The following ARSB variants were observed in gnomAD, a reference collection of about 807,000 sequenced individuals.
ARSB encodes N-acetylgalactosamine-4-sulfatase.
Under a neutral mutation model 50.9 loss-of-function variants are expected in ARSB, and 41 were observed. The observed-to-expected ratio is 0.81, with a 90% CI of 0.63 to 1.04. The LOEUF (loss-of-function observed/expected upper bound fraction) is 1.04. Among genes scored for constraint, ARSB ranks in the 50% least tolerant of loss-of-function variants. ARSB has a pLI of 0.00. For synonymous variants in ARSB, 269 were observed against 284.8 expected, an observed-to-expected ratio of 0.94 and a Z score of 0.56; for missense variants, 672 against 693.3, an observed-to-expected ratio of 0.97 and a Z score of 0.35.
At chr5:78,912,871 A>C (rs77040414) in intron 4 of ARSB, among the ~76,000 whole-genome samples, 21,113 of 152,272 alleles carry the variant, frequency 0.14, 1,605 homozygotes, top group Middle Eastern at 0.19. Context: ...ATTATTTTTA[A>C]AGCAGCTTTG....
chr5:78,922,330 C>T (rs908413513), intron 4 of ARSB, among the ~76,000 whole-genome samples: 3 of 151,972 alleles, frequency 2.0e-5, no homozygotes, highest in Non-Finnish European at 2.9e-5. Context: ...CTAAAGAGGC[C>T]TCTGTCTAAC....
At chr5:78,894,703 A>C (rs1187426165) in intron 4 of ARSB, among the ~76,000 whole-genome samples, 1 of 152,258 alleles carries the variant, frequency 6.6e-6, no homozygotes, top group Non-Finnish European at 1.5e-5. Flanking sequence ...AAAGCATTTC[A>C]AATATTGAAT....
chr5:78,963,822 A>T (rs7725928), intron 3 of ARSB, among the ~76,000 whole-genome samples: 2 of 151,900 alleles, frequency 1.3e-5, no homozygotes, highest in African/African-American at 2.4e-5. Flanking sequence ...CCAAGCAGAC[A>T]CTTTGGGCAG....
At chr5:78,892,447 G>C (rs1228676373) in intron 4 of ARSB, among the ~76,000 whole-genome samples, 1 of 151,796 alleles carries the variant, frequency 6.6e-6, no homozygotes, top group Non-Finnish European at 1.5e-5. Context: ...GTGAAGACAG[G>C]GTTTCGCCTT....
Position 78,804,256 on chromosome 5 carries a change from A to G in ARSB, c.1214-22282T>C, listed in dbSNP as rs77739734. Among the ~76,000 whole-genome samples the G allele has an allele frequency of 3.0e-3, 451 of 152,290 alleles. 3 individuals are homozygous for G. Among genetic ancestry groups the G allele is most frequent in the African/African-American group, 0.01 (425 of 41,548 alleles). ...CCTTCAGACTCAGTTTTTGTGGAAA[A>G]AAAAAAGTGTTTCACTTCAGCTCAG... On this transcript the variant is annotated intron_variant, in intron 6 of 7. Transcript: ENST00000264914.
At chr5:78,984,873 G>A in intron 1 of ARSB, 64 bp downstream of exon 1, 1 of 1,226,150 alleles carries the variant, frequency 8.2e-7, no homozygotes, top group Non-Finnish European at 1.0e-6. Context: ...GGGCCGGGTA[G>A]GAGCGGCAGG....
At chr5:78,866,960 C>CAAGTCCTGAGTGACCTACAAAG (rs1746787633) in intron 5 of ARSB, among the ~76,000 whole-genome samples, 1 of 152,200 alleles carries the variant, frequency 6.6e-6, no homozygotes, top group African/African-American at 2.4e-5. Flanking sequence ...AGTGGGTGCG[C>CAAGTCCTGAGTGACCTACAAAG]ACACCGTGCG....
chr5:78,781,826 G>A (rs1198022117), intron 7 of ARSB, 26 bp downstream of exon 7: 7 of 1,613,824 alleles, frequency 4.3e-6, no homozygotes, highest in Non-Finnish European at 5.9e-6. Flanking sequence ...CACGGGAAGG[G>A]AAGTTTGCTA....
intron 4 of ARSB, among the ~76,000 whole-genome samples, chr5:78,925,218 G>C (rs1749993768): frequency 6.6e-6 from 1 of 152,116 alleles, no homozygotes; most frequent in Non-Finnish European, 1.5e-5. Flanking sequence ...AATGTAAAAA[G>C]TGATCTTGCT....
At chr5:78,944,234 T>C (rs1317792311) in intron 4 of ARSB, among the ~76,000 whole-genome samples, 2 of 152,222 alleles carry the variant, frequency 1.3e-5, no homozygotes, top group African/African-American at 4.8e-5. Flanking sequence ...CTTCCTCCTT[T>C]AGCTCGGAGA....
intron 4 of ARSB, among the ~76,000 whole-genome samples, chr5:78,936,442 T>C (rs1750605667): frequency 6.7e-6 from 1 of 149,470 alleles, no homozygotes; most frequent in South Asian, 2.1e-4. Context: ...TATTTCTTTC[T>C]AAGATCAGAT....
chr5:78,895,323 C>T (rs1481197407), intron 4 of ARSB, among the ~76,000 whole-genome samples: 1 of 151,938 alleles, frequency 6.6e-6, no homozygotes, highest in Non-Finnish European at 1.5e-5. Flanking sequence ...CCTGTTTTTC[C>T]AACATTAAAT....
chr5:78,918,552 C>CAA (rs1749662418), intron 4 of ARSB, among the ~76,000 whole-genome samples: 2 of 150,988 alleles, frequency 1.3e-5, no homozygotes, highest in Non-Finnish European at 1.5e-5. Context: ...ATCATGTGCA[C>CAA]ACACACACAC....
Position 78,902,986 on chromosome 5 carries a change from C to T in ARSB, c.899-17159G>A, listed in dbSNP as rs186223610. Reference sequence around the variant, plus strand: ...AGAAGATAGATCAAAGACCTAAATGCAACAGCTAAAACCATAAAACTTTTA... The same window carrying T: ...AGAAGATAGATCAAAGACCTAAATGTAACAGCTAAAACCATAAAACTTTTA... On this transcript the variant is annotated intron_variant, in intron 4 of 7. Transcript: ENST00000264914. Among the ~76,000 whole-genome samples the T allele has an allele frequency of 3.5e-3, 533 of 152,220 alleles. 3 individuals are homozygous for T. The highest frequency in any genetic ancestry group is 8.3e-3 in the Admixed American group (127 of 15,284).
intron 6 of ARSB, among the ~76,000 whole-genome samples, chr5:78,791,594 A>C (rs895393955): frequency 6.6e-6 from 1 of 152,226 alleles, no homozygotes; most frequent in Non-Finnish European, 1.5e-5. Flanking sequence ...ATGTGGCTCA[A>C]ATCTCCAGTC....
intron 2 of ARSB, among the ~76,000 whole-genome samples, chr5:78,966,768 T>C (rs1206919723): frequency 1.3e-5 from 2 of 152,206 alleles, no homozygotes; most frequent in Non-Finnish European, 2.9e-5. Flanking sequence ...TCCCAGAGTA[T>C]AGATATTGAC....
chr5:78,805,667 T>A (rs1039468404), intron 6 of ARSB, among the ~76,000 whole-genome samples: 1 of 152,156 alleles, frequency 6.6e-6, no homozygotes, highest in African/African-American at 2.4e-5. Flanking sequence ...AATAAACATA[T>A]GGTCAGCATG....
intron 4 of ARSB, among the ~76,000 whole-genome samples, chr5:78,949,710 G>A (rs554955529): frequency 2.2e-4 from 33 of 152,298 alleles, no homozygotes; most frequent in African/African-American, 7.7e-4. Context: ...AGGAGTTCGA[G>A]ACCAGTCTGG....
Position 78,832,868 on chromosome 5 carries a change from G to C in ARSB, c.1213+6488C>G, listed in dbSNP as rs6860821. On this transcript the variant is annotated intron_variant, in intron 6 of 7. Coordinates refer to ENST00000264914, the MANE Select transcript of ARSB (RefSeq NM_000046.5). ...ATAATCAAGCTTCTACCAGCAGAATGTGTGTGTCTCCTGTGTGTGCGTACG... is the reference window on the plus strand; with the variant it reads ...ATAATCAAGCTTCTACCAGCAGAATCTGTGTGTCTCCTGTGTGTGCGTACG... 8.7e-3 allele frequency among the ~76,000 whole-genome samples: 1,327 copies of C among 152,246 alleles called. 27 individuals carry two copies. Among genetic ancestry groups the C allele is most frequent in the African/African-American group, 0.031 (1,269 of 41,522 alleles).
Sources: gnomAD v4.1 joint callset for allele counts (sites outside exome capture counted in the v4.1 genomes callset) on GRCh38, gnomAD v4.1.1 for gene constraint, MANE v1.5 for transcripts, NCBI Gene and HGNC (gene_info 2026-07-23, HGNC 2026-07-21) for gene names.